The following MGAT4A variants were observed in gnomAD, a reference collection of about 807,000 sequenced individuals.
The protein encoded by MGAT4A is alpha-1,3-mannosyl-glycoprotein 4-beta-N-acetylglucosaminyltransferase A, also known as N-acetylglucosaminyltransferase IVa.
Under a neutral mutation model 74.1 loss-of-function variants are expected in MGAT4A, and 33 were observed. The ratio of observed to expected loss-of-function variants is 0.45; its 90% CI spans 0.34 to 0.60. The LOEUF (loss-of-function observed/expected upper bound fraction) is 0.60. MGAT4A is among the 20% of genes least tolerant of loss of function. MGAT4A has a pLI of 0.02. For missense variants in MGAT4A, 479 were observed against 628.3 expected, an observed-to-expected ratio of 0.76 and a Z score of 2.54; for synonymous variants, 198 against 210.4, an observed-to-expected ratio of 0.94 and a Z score of 0.51.
chr2:98,715,317 C>CAAAAAAA (rs201860893), intron 2 of MGAT4A, among the ~76,000 whole-genome samples: 30 of 63,192 alleles, frequency 4.7e-4, no homozygotes, highest in Non-Finnish European at 7.3e-4. Flanking sequence ...GACTTCATCT[C>CAAAAAAA]AAAAAAAAAA....
At chr2:98,641,196 C>CAA (rs35373047) in intron 10 of MGAT4A, among the ~76,000 whole-genome samples, 1 of 151,194 alleles carries the variant, frequency 6.6e-6, no homozygotes, top group Non-Finnish European at 1.5e-5. Context: ...AGTTTGGGGC[C>CAA]AAAAAAAATC....
chr2:98,679,488 T>A (rs72825758), intron 2 of MGAT4A, among the ~76,000 whole-genome samples: 2,487 of 147,622 alleles, frequency 0.017, 24 homozygotes, highest in Middle Eastern at 0.022. Flanking sequence ...AAAAATTAGC[T>A]AGGCATGGTG....
chr2:98,672,179 AT>A (rs1169350701), intron 4 of MGAT4A, among the ~76,000 whole-genome samples: 2 of 152,082 alleles, frequency 1.3e-5, no homozygotes, highest in Admixed American at 6.6e-5. Context: ...GCCAAACGTA[AT>A]TTCTCAGAGT....
At chr2:98,652,459 T>TA (rs1701594872) in intron 8 of MGAT4A, among the ~76,000 whole-genome samples, 1 of 151,690 alleles carries the variant, frequency 6.6e-6, no homozygotes, top group Non-Finnish European at 1.5e-5. Context: ...GCCTCCCTAG[T>TA]AGCTGGGACT....
At chr2:98,642,449 C>T (rs545286708) in intron 10 of MGAT4A, among the ~76,000 whole-genome samples, 2 of 152,306 alleles carry the variant, frequency 1.3e-5, no homozygotes, top group African/African-American at 4.8e-5. Context: ...CACACAAAAA[C>T]ATGGACTACA....
chr2:98,695,878 C>CTTT (rs554678618), intron 2 of MGAT4A, among the ~76,000 whole-genome samples: 1 of 130,432 alleles, frequency 7.7e-6, no homozygotes, highest in Non-Finnish European at 1.6e-5. Context: ...CACAGAACTT[C>CTTT]TTTTTTTTTT....
chr2:98,630,469 A>T (rs1402971364), intron 14 of MGAT4A, among the ~76,000 whole-genome samples: 3 of 152,128 alleles, frequency 2.0e-5, no homozygotes, highest in Non-Finnish European at 4.4e-5. Flanking sequence ...AAGAGAAGCT[A>T]TTAGGGTATA....
chr2:98,655,611 A>G (rs113919382), intron 7 of MGAT4A, 91 bp from the exon 8 acceptor site: 1 of 800,390 alleles, frequency 1.2e-6, no homozygotes, highest in Non-Finnish European at 2.1e-6. Flanking sequence ...TGTCTACATA[A>G]CATGTCATCT....
At chr2:98,692,942 G>T (rs1489161512) in intron 2 of MGAT4A, among the ~76,000 whole-genome samples, 1 of 152,144 alleles carries the variant, frequency 6.6e-6, no homozygotes, top group African/African-American at 2.4e-5. Context: ...CCTACATAAA[G>T]ATTCAAGAAG....
intron 2 of MGAT4A, among the ~76,000 whole-genome samples, chr2:98,696,056 A>G (rs1294772173): frequency 3.3e-5 from 5 of 151,338 alleles, no homozygotes; most frequent in Admixed American, 3.3e-4. Context: ...TAATTTTTCT[A>G]TTTTTTGTAG....
chr2:98,636,103 G>A lies in MGAT4A; in HGVS notation c.1401+414C>T, dbSNP rs139473304. On this transcript the variant is annotated intron_variant, in intron 13 of 15. Transcript: ENST00000393487. ...CACCTCCCAGGTTCAAGTGATTCTC[G>A]TGCCTCAGCCTCCCGAGTAGCTGGG... is the stretch of plus-strand genomic sequence containing the variant. 2.4e-3 allele frequency among the ~76,000 whole-genome samples: 363 copies of A among 150,980 alleles called. 1 individual carries two copies. Among genetic ancestry groups the A allele is most frequent in the African/African-American group, 8.4e-3 (344 of 41,180 alleles).
At position 98,636,531 on chromosome 2, in the gene MGAT4A, C is replaced by T; in HGVS notation, c.1387G>A (p.Val463Ile). 2 of 1,613,554 alleles carry T rather than the reference C, an allele frequency of 1.2e-6. No homozygotes were observed. Among genetic ancestry groups the T allele is most frequent in the Non-Finnish European group, 8.5e-7 (1 of 1,179,514 alleles). The stretch of plus-strand genomic sequence containing the variant: ...AGCAGTCATACCTTAAAAGGCAAAA[C>T]TTCCACAGTTGTGTTTAGCAGAATA... ...GDILLNTTVEVLPFKSEGLEI... is the reference protein window; with the variant it reads ...GDILLNTTVEILPFKSEGLEI... Residue 463 changes from valine to isoleucine, a missense_variant, in exon 13 of 16, where the codon GTT becomes ATT. Around this residue, in one of 3 missense-constraint regions of MGAT4A, gnomAD observed 236 missense variants for 308.2 expected, o/e 0.77. Transcript: ENST00000393487.
intron 4 of MGAT4A, among the ~76,000 whole-genome samples, chr2:98,669,444 GT>G (rs1388709914): frequency 3.9e-5 from 6 of 152,246 alleles, no homozygotes; most frequent in South Asian, 4.1e-4. Flanking sequence ...ACGTGGAACT[GT>G]TAAGTCCAAT....
At position 98,625,439 on chromosome 2, in the gene MGAT4A, G is replaced by A; in HGVS notation, c.*127C>T. The A allele has an allele frequency of 6.7e-7, 1 of 1,486,532 alleles. No homozygotes were observed. The highest frequency in any genetic ancestry group is 2.9e-5 in the Admixed American group (1 of 34,846). The allele number at this position is 1,486,532 out of a possible 1,614,324, so 92.1% of individuals were successfully genotyped here. A position where few individuals can be genotyped will look rare whatever the true frequency, so the allele number is the denominator to read the frequency against. ...GGAGATTCACTTTCCAAGTGGAAAT[G>A]ACAATCGTCTTATCTACAGTAGACT... On this transcript the variant is annotated 3_prime_UTR_variant, in exon 16 of 16. Coordinates refer to ENST00000393487, the MANE Select transcript of MGAT4A (RefSeq NM_012214.3).
In MGAT4A at chr2:98,640,113, T is replaced by C; in HGVS notation, c.1128+8A>G. The C allele has an allele frequency of 6.3e-7, 1 of 1,594,356 alleles. No homozygotes were observed. The highest frequency in any genetic ancestry group is 8.5e-7 in the Non-Finnish European group (1 of 1,171,680). ...ATGTTCATGAGAAAATAAAATTAAG[T>C]CACCAACCGTGAGTTTTTGGATTTT... On this transcript the variant is annotated splice_region_variant and intron_variant, in intron 11 of 15. Coordinates refer to ENST00000393487, the MANE Select transcript of MGAT4A (RefSeq NM_012214.3).
Position 98,624,719 on chromosome 2 carries a change from A to G in MGAT4A, c.*847T>C, listed in dbSNP as rs1448525062. On this transcript the variant is annotated 3_prime_UTR_variant, in exon 16 of 16. Coordinates refer to ENST00000393487, the MANE Select transcript of MGAT4A (RefSeq NM_012214.3). Reference sequence around the variant, plus strand: ...CATTTTACATATCAGAGGAAATATAATAAGTTAAGTCTACAATAATCTGGG... The same window carrying G: ...CATTTTACATATCAGAGGAAATATAGTAAGTTAAGTCTACAATAATCTGGG... 1.0e-6 allele frequency: 1 copy of G among 983,310 alleles called. No homozygotes were observed. Among genetic ancestry groups the G allele is most frequent in the African/African-American group, 1.7e-5 (1 of 57,184 alleles). The allele number at this position is 983,310 out of a possible 1,614,324, so 60.9% of individuals were successfully genotyped here.
At chr2:98,716,660 T>G (rs561954418) in intron 2 of MGAT4A, among the ~76,000 whole-genome samples, 1 of 152,184 alleles carries the variant, frequency 6.6e-6, no homozygotes, top group East Asian at 1.9e-4. Context: ...ATCATTTCTG[T>G]GGTATTCTTG....
intron 2 of MGAT4A, among the ~76,000 whole-genome samples, chr2:98,716,032 A>G (rs1702587331): frequency 6.6e-6 from 1 of 152,198 alleles, no homozygotes; most frequent in Admixed American, 6.5e-5. Context: ...TAACTGAAGA[A>G]TACAGCCAGG....
intron 14 of MGAT4A, among the ~76,000 whole-genome samples, chr2:98,634,836 T>C (rs1279762731): frequency 6.6e-6 from 1 of 151,492 alleles, no homozygotes; most frequent in Non-Finnish European, 1.5e-5. Flanking sequence ...GGTATAAGGC[T>C]ATGTCAGTGG....
Sources: allele counts gnomAD v4.1 joint callset (sites outside exome capture counted in the v4.1 genomes callset), GRCh38; gene constraint gnomAD v4.1.1; regional missense constraint gnomAD v4.1.1; transcripts MANE v1.5; gene names NCBI Gene and HGNC (gene_info 2026-07-23, HGNC 2026-07-21).